The following KIRREL3 variants were observed in gnomAD, a reference collection of about 807,000 sequenced individuals.
The protein encoded by KIRREL3 is kin of IRRE-like protein 3.
A neutral mutation model predicts 89.7 loss-of-function variants in KIRREL3; 36 were observed. The ratio of observed to expected loss-of-function variants is 0.40; its 90% CI spans 0.31 to 0.53. The LOEUF (loss-of-function observed/expected upper bound fraction) is 0.53, where lower values mean the gene tolerates loss of function less well. Ranked by LOEUF, KIRREL3 falls within the 20% of genes least tolerant of loss-of-function variation. The pLI, the probability that KIRREL3 is intolerant of heterozygous loss-of-function variation, is 0.49. For synonymous variants in KIRREL3, 445 were observed against 441.4 expected, an observed-to-expected ratio of 1.01 and a Z score of -0.10; for missense variants, 864 against 1,056.6, an observed-to-expected ratio of 0.82 and a Z score of 2.53.
At chr11:126,546,722 G>A (rs1014815230) in intron 2 of KIRREL3, among the ~76,000 whole-genome samples, 7 of 152,128 alleles carry the variant, frequency 4.6e-5, no homozygotes, top group Admixed American at 3.9e-4. Context: ...GCACAAATGG[G>A]ACTGAATTGG....
intron 9 of KIRREL3, among the ~76,000 whole-genome samples, chr11:126,446,132 G>A (rs1428700143): frequency 1.4e-4 from 14 of 101,594 alleles, no homozygotes; most frequent in African/African-American, 5.6e-4. Context: ...TGGGCAACAA[G>A]CGCAAAACTC....
chr11:126,616,900 C>T (rs1477304990), intron 1 of KIRREL3, among the ~76,000 whole-genome samples: 1 of 152,192 alleles, frequency 6.6e-6, no homozygotes, highest in African/African-American at 2.4e-5. Context: ...CCTTGGCCTC[C>T]CAAAGTGTTG....
At position 126,622,592 on chromosome 11, in the gene KIRREL3, G is replaced by A. The variant is rs1943616944; in HGVS notation, c.56-59680C>T. Among the ~76,000 whole-genome samples, 1 of 152,174 alleles carries A rather than the reference G, an allele frequency of 6.6e-6. No individual in the cohort carries two copies. Among genetic ancestry groups the A allele is most frequent in the Non-Finnish European group, 1.5e-5 (1 of 68,034 alleles). On this transcript the variant is annotated intron_variant, in intron 1 of 16. Coordinates refer to ENST00000525144, the MANE Select transcript of KIRREL3 (RefSeq NM_032531.4). The surrounding 1 kb of genome is among the most constrained non-coding windows in gnomAD (Gnocchi z 5.2). ...TAATCCCAGCTACTCAGGAGGCTGA[G>A]GCAGAAGAATCACTTGAACCCTGGA...
chr11:126,584,054 G>A (rs926519200), intron 1 of KIRREL3, among the ~76,000 whole-genome samples: 1 of 152,206 alleles, frequency 6.6e-6, no homozygotes, highest in Non-Finnish European at 1.5e-5. Context: ...CATTCAGCGT[G>A]CACAATCTGG....
intron 1 of KIRREL3, among the ~76,000 whole-genome samples, chr11:126,856,927 C>G (rs1944539496): frequency 6.6e-6 from 1 of 152,064 alleles, no homozygotes; most frequent in African/African-American, 2.4e-5. Flanking sequence ...GTGAGCATGC[C>G]AGGGATAACA....
rs371211413 is a variant in KIRREL3, at chr11:126,771,080, G to A, written c.56-208168C>T. Among the ~76,000 whole-genome samples, 4 of 152,130 alleles carry A rather than the reference G, an allele frequency of 2.6e-5. No individual in the cohort carries two copies. Among genetic ancestry groups the A allele is most frequent in the East Asian group, 3.9e-4 (2 of 5,194 alleles). On this transcript the variant is annotated intron_variant, in intron 1 of 16. Coordinates refer to ENST00000525144, the MANE Select transcript of KIRREL3 (RefSeq NM_032531.4). The surrounding 1 kb of genome is among the most constrained non-coding windows in gnomAD (Gnocchi z 4.4). Reference sequence around the variant, plus strand: ...TGAACTCCTGACCTCAGGGTGATCCGCTTGCCTTGGCATCCCAAAGTCCTG... The same window carrying A: ...TGAACTCCTGACCTCAGGGTGATCCACTTGCCTTGGCATCCCAAAGTCCTG...
chr11:126,763,373 C>T lies in KIRREL3; in HGVS notation c.56-200461G>A, dbSNP rs1049173995. On this transcript the variant is annotated intron_variant, in intron 1 of 16. Transcript: ENST00000525144. This position sits in a 1 kb window ranked among gnomAD's most constrained non-coding sequence, Gnocchi z 4.7. Reference sequence around the variant, plus strand: ...GGGCTGGGCAGGGCAGTGCTCCTCACTTCCTCCATCTGCTCAGCACCCAAC... The same window carrying T: ...GGGCTGGGCAGGGCAGTGCTCCTCATTTCCTCCATCTGCTCAGCACCCAAC... 6.6e-6 allele frequency among the ~76,000 whole-genome samples: 1 copy of T among 152,208 alleles called. No homozygotes were observed. The highest frequency in any genetic ancestry group is 2.4e-5 in the African/African-American group (1 of 41,446).
chr11:126,950,994 A>C (rs1055627397), intron 1 of KIRREL3, among the ~76,000 whole-genome samples: 4 of 152,242 alleles, frequency 2.6e-5, no homozygotes, highest in African/African-American at 7.2e-5. Flanking sequence ...TCTGTTAAGA[A>C]AAAAAACAGT....
chr11:126,473,831 T>C (rs1026141655), intron 4 of KIRREL3, among the ~76,000 whole-genome samples: 1 of 152,216 alleles, frequency 6.6e-6, no homozygotes, highest in Non-Finnish European at 1.5e-5. Flanking sequence ...GAAGTCTCTG[T>C]CACCCAGGCT....
intron 1 of KIRREL3, among the ~76,000 whole-genome samples, chr11:126,582,890 TGAA>T (rs1941633451): frequency 6.6e-6 from 1 of 152,240 alleles, no homozygotes; most frequent in African/African-American, 2.4e-5. Context: ...TCTGAGGTAC[TGAA>T]GAAGTATTAT....
rs1008185729 is a variant in KIRREL3 at position 126,844,214 on chromosome 11, A to T, written c.55+156241T>A. Among the ~76,000 whole-genome samples the T allele has an allele frequency of 1.3e-5, 2 of 152,118 alleles. No homozygotes were observed. Among genetic ancestry groups the T allele is most frequent in the African/African-American group, 2.4e-5 (1 of 41,414 alleles). On this transcript the variant is annotated intron_variant, in intron 1 of 16. Coordinates refer to ENST00000525144, the MANE Select transcript of KIRREL3 (RefSeq NM_032531.4). The surrounding 1 kb of genome is among the most constrained non-coding windows in gnomAD (Gnocchi z 4.8). The stretch of plus-strand genomic sequence containing the variant: ...GGGTAAGTGGTGGGGGTCCGGTAAC[A>T]TCTTTCTGGTGACCACAGAAGAGAC...
At chr11:126,972,628 G>A (rs1949457661) in intron 1 of KIRREL3, among the ~76,000 whole-genome samples, 1 of 152,188 alleles carries the variant, frequency 6.6e-6, no homozygotes, top group South Asian at 2.1e-4. Flanking sequence ...CACAGAGCCT[G>A]GCTCCTCAGC....
At chr11:126,590,687 G>A (rs777897648) in intron 1 of KIRREL3, among the ~76,000 whole-genome samples, 1 of 152,200 alleles carries the variant, frequency 6.6e-6, no homozygotes, top group Non-Finnish European at 1.5e-5. Flanking sequence ...GTGATGGAGG[G>A]TGTAATTAGG....
At position 126,991,946 on chromosome 11, in the gene KIRREL3, G is replaced by C. The variant is rs962399894; in HGVS notation, c.55+8509C>G. 6.6e-6 allele frequency among the ~76,000 whole-genome samples: 1 copy of C among 152,198 alleles called. No individual in the cohort carries two copies. The highest frequency in any genetic ancestry group is 2.4e-5 in the African/African-American group (1 of 41,454). On this transcript the variant is annotated intron_variant, in intron 1 of 16. Coordinates refer to ENST00000525144, the MANE Select transcript of KIRREL3 (RefSeq NM_032531.4). The surrounding 1 kb of genome is among the most constrained non-coding windows in gnomAD (Gnocchi z 5.8). Reference sequence around the variant, plus strand: ...TTTAGTCAAGCAAAGTAACCTCTCTGGGGGTATGACAGCAATAATGCCCAC... The same window carrying C: ...TTTAGTCAAGCAAAGTAACCTCTCTCGGGGTATGACAGCAATAATGCCCAC...
At chr11:126,435,137 T>C in intron 13 of KIRREL3, 131 bp downstream of exon 13, 1 of 966,768 alleles carries the variant, frequency 1.0e-6, no homozygotes, top group Admixed American at 1.9e-5. Flanking sequence ...CACTAAACCC[T>C]CAGGACGGGG....
In KIRREL3 at chr11:126,766,119, C is replaced by T. The variant is rs758259130; in HGVS notation, c.56-203207G>A. On this transcript the variant is annotated intron_variant, in intron 1 of 16. Coordinates refer to ENST00000525144, the MANE Select transcript of KIRREL3 (RefSeq NM_032531.4). The surrounding 1 kb of genome is among the most constrained non-coding windows in gnomAD (Gnocchi z 4.2). ...GGGATGGTATCTAGTATCGTTTCAT[C>T]GCTAATGTTGTGAGTGAGCTAGAAC... Among the ~76,000 whole-genome samples, 1 of 151,882 alleles carries T rather than the reference C, an allele frequency of 6.6e-6. No homozygotes were observed. Among genetic ancestry groups the T allele is most frequent in the Non-Finnish European group, 1.5e-5 (1 of 67,986 alleles).
intron 1 of KIRREL3, among the ~76,000 whole-genome samples, chr11:126,973,455 G>C (rs1279450122): frequency 6.6e-6 from 1 of 152,188 alleles, no homozygotes; most frequent in Admixed American, 6.5e-5. Flanking sequence ...GAAGAGTTCT[G>C]GCTGCTGCTG....
chr11:126,733,109 T>C (rs1948687996), intron 1 of KIRREL3, among the ~76,000 whole-genome samples: 2 of 152,226 alleles, frequency 1.3e-5, no homozygotes, highest in South Asian at 2.1e-4. Context: ...AAAAGTGTAA[T>C]TTCTAGTCCC....
Position 126,628,651 on chromosome 11 carries a change from C to T in KIRREL3, c.56-65739G>A, listed in dbSNP as rs377550872. Among the ~76,000 whole-genome samples the T allele has an allele frequency of 7.9e-5, 12 of 152,266 alleles. 1 individual carries two copies. Among genetic ancestry groups the T allele is most frequent in the African/African-American group, 2.9e-4 (12 of 41,564 alleles). On this transcript the variant is annotated intron_variant, in intron 1 of 16. Transcript: ENST00000525144. The surrounding 1 kb of genome is among the most constrained non-coding windows in gnomAD (Gnocchi z 5.2). ...AGTGTGTATCTGTTTCCTCTTTGTC[C>T]CCAGCAGAGAATAGAAACTGACTGT...
Sources: allele counts gnomAD v4.1 joint callset (sites outside exome capture counted in the v4.1 genomes callset), GRCh38; gene constraint gnomAD v4.1.1; non-coding constraint Gnocchi (gnomAD v3.1); transcripts MANE v1.5; gene names NCBI Gene and HGNC (gene_info 2026-07-23, HGNC 2026-07-21).